Variants in RIMS2 observed in about 807,000 individuals in gnomAD.
RIMS2 encodes the protein regulating synaptic membrane exocytosis protein 2.
A neutral mutation model predicts 174.4 loss-of-function variants in RIMS2; 59 were observed. The observed-to-expected ratio is 0.34, with a 90% CI of 0.27 to 0.42. The LOEUF (loss-of-function observed/expected upper bound fraction) is 0.42, where lower values mean the gene tolerates loss of function less well. Among genes scored for constraint, RIMS2 ranks in the 10% least tolerant of loss-of-function variants. The pLI is 1.00. For missense variants in RIMS2, 1,620 were observed against 1,666.3 expected (o/e 0.97, Z 0.48); for synonymous variants, 606 against 572.5 (o/e 1.06, Z -0.84).
intron 1 of RIMS2, among the ~76,000 whole-genome samples, chr8:103,570,546 T>C (rs2092729748): frequency 6.6e-6 from 1 of 151,968 alleles, no homozygotes. Flanking sequence ...TGTTTAGGGG[T>C]GGAAAAGGTC....
chr8:103,966,839 T>A (rs1179937293), intron 15 of RIMS2, among the ~76,000 whole-genome samples: 1 of 152,068 alleles, frequency 6.6e-6, no homozygotes, highest in Non-Finnish European at 1.5e-5. Flanking sequence ...AAAGATATAT[T>A]TAAATTTCCC....
At chr8:103,602,446 A>G (rs1291117608) in intron 1 of RIMS2, among the ~76,000 whole-genome samples, 1 of 151,498 alleles carries the variant, frequency 6.6e-6, no homozygotes, top group African/African-American at 2.4e-5. Flanking sequence ...TCCTGATCCC[A>G]TCCCTCCTCC....
At chr8:103,557,686 G>A (rs2090747160) in intron 1 of RIMS2, among the ~76,000 whole-genome samples, 1 of 151,976 alleles carries the variant, frequency 6.6e-6, no homozygotes, top group South Asian at 2.1e-4. Context: ...CAATCTTATG[G>A]CTGAAATACA....
chr8:104,142,951 G>C (rs1387786493), intron 19 of RIMS2, among the ~76,000 whole-genome samples: 1 of 152,132 alleles, frequency 6.6e-6, no homozygotes, highest in African/African-American at 2.4e-5. Context: ...ATCTCCAGAA[G>C]TCAAAGAATT....
At chr8:103,967,429 C>T (rs1046473434) in intron 15 of RIMS2, among the ~76,000 whole-genome samples, 2 of 151,656 alleles carry the variant, frequency 1.3e-5, no homozygotes, top group Admixed American at 6.6e-5. Context: ...CCTGACCCCA[C>T]GTAATCCACC....
chr8:103,633,878 T>G (rs946799671), intron 1 of RIMS2, among the ~76,000 whole-genome samples: 3 of 152,226 alleles, frequency 2.0e-5, no homozygotes, highest in Non-Finnish European at 4.4e-5. Context: ...AGTAGTAACA[T>G]TCCCTTCATC....
chr8:103,715,929 T>C (rs1175214854), intron 2 of RIMS2, among the ~76,000 whole-genome samples: 1 of 152,142 alleles, frequency 6.6e-6, no homozygotes, highest in African/African-American at 2.4e-5. Flanking sequence ...ATAAAACTTT[T>C]TTCTTAAACA....
intron 3 of RIMS2, among the ~76,000 whole-genome samples, chr8:103,865,128 G>T (rs1351268048): frequency 6.6e-6 from 1 of 151,316 alleles, no homozygotes; most frequent in African/African-American, 2.4e-5. Flanking sequence ...ATGAGGTTTG[G>T]TAATAATTTG....
At chr8:104,157,439 G>A (rs1026446280) in intron 19 of RIMS2, among the ~76,000 whole-genome samples, 2 of 152,106 alleles carry the variant, frequency 1.3e-5, no homozygotes, top group African/African-American at 4.8e-5. Context: ...TAAGTGTACA[G>A]TTAAGTGCTT....
At chr8:103,915,527 G>A (rs2076487990) in exon 7 of RIMS2, 2 of 1,606,060 alleles carry the variant, frequency 1.2e-6, no homozygotes, top group African/African-American at 2.7e-5. Flanking sequence ...AATCAGGTCG[G>A]CTTTGTGCAT....
chr8:103,737,631 G>T (rs145415699), intron 2 of RIMS2, among the ~76,000 whole-genome samples: 1 of 152,240 alleles, frequency 6.6e-6, no homozygotes. Context: ...GGGGCACACA[G>T]GGAAGGCAAA....
At chr8:103,844,395 T>C (rs80235695) in intron 3 of RIMS2, among the ~76,000 whole-genome samples, 8,223 of 152,276 alleles carry the variant, frequency 0.054, 315 homozygotes, top group Non-Finnish European at 0.079. Context: ...ATTTCCATAT[T>C]TCATTAAAGG....
chr8:103,555,250 A>G (rs911934843), intron 1 of RIMS2, among the ~76,000 whole-genome samples: 2 of 152,208 alleles, frequency 1.3e-5, no homozygotes, highest in African/African-American at 4.8e-5. Context: ...TCAATGGCCA[A>G]TAGGTATATG....
chr8:103,582,765 A>G (rs1201075317), intron 1 of RIMS2, among the ~76,000 whole-genome samples: 4 of 152,180 alleles, frequency 2.6e-5, no homozygotes, highest in Admixed American at 2.0e-4. Flanking sequence ...CAGCTCAGCC[A>G]TAATAAAATA....
chr8:103,764,982 CTA>C (rs1177074958), intron 2 of RIMS2, among the ~76,000 whole-genome samples: 2 of 151,994 alleles, frequency 1.3e-5, no homozygotes, highest in African/African-American at 4.8e-5. Context: ...TCTGTACAAA[CTA>C]TGAAATGGAA....
intron 15 of RIMS2, among the ~76,000 whole-genome samples, chr8:103,974,617 G>GT (rs1434469283): frequency 1.3e-5 from 2 of 152,070 alleles, no homozygotes; most frequent in Non-Finnish European, 2.9e-5. Context: ...CTTTTAGATA[G>GT]TATCTCTTCT....
chr8:104,023,660 C>G (rs555525547), intron 19 of RIMS2, among the ~76,000 whole-genome samples: 19 of 152,084 alleles, frequency 1.2e-4, no homozygotes, highest in Non-Finnish European at 1.2e-4. Flanking sequence ...TGTTAGACAT[C>G]CAAGTGAAGA....
intron 17 of RIMS2, among the ~76,000 whole-genome samples, chr8:104,008,347 C>T (rs547540620): frequency 7.3e-5 from 11 of 151,518 alleles, no homozygotes; most frequent in Non-Finnish European, 1.5e-4. Flanking sequence ...TTAATTTGTT[C>T]TGTATTAATT....
At chr8:103,636,682 A>G (rs2135402045) in intron 1 of RIMS2, among the ~76,000 whole-genome samples, 1 of 151,256 alleles carries the variant, frequency 6.6e-6, no homozygotes, top group Admixed American at 6.6e-5. Context: ...AGGTGTTGCT[A>G]TTTATTTGGC....
Sources: gnomAD v4.1 joint callset for allele counts (sites outside exome capture counted in the v4.1 genomes callset) on GRCh38, gnomAD v4.1.1 for gene constraint, MANE v1.5 for transcripts, NCBI Gene and HGNC (gene_info 2026-07-23, HGNC 2026-07-21) for gene names.